FRMD5: variants seen among roughly 807,000 people sequenced by gnomAD.
The protein encoded by FRMD5 is FERM domain-containing protein 5.
Under a neutral mutation model 69.0 loss-of-function variants are expected in FRMD5, and 20 were observed. The ratio of observed to expected loss-of-function variants is 0.29; its 90% CI spans 0.20 to 0.42. The LOEUF is 0.42. Ranked by LOEUF, FRMD5 falls within the 10% of genes least tolerant of loss-of-function variation. FRMD5 has a pLI of 1.00. For synonymous variants in FRMD5, 271 were observed against 260.1 expected, an observed-to-expected ratio of 1.04 and a Z score of -0.40; for missense variants, 595 against 708.6, an observed-to-expected ratio of 0.84 and a Z score of 1.82.
Position 43,873,425 on chromosome 15 carries a change from A to C in FRMD5, c.*460T>G. The C allele has an allele frequency of 7.0e-7, 1 of 1,434,392 alleles. No homozygotes were observed. Among genetic ancestry groups the C allele is most frequent in the Non-Finnish European group, 9.1e-7 (1 of 1,104,312 alleles). The allele number at this position is 1,434,392 out of a possible 1,614,324, so 88.9% of individuals were successfully genotyped here. ...GAGGCTGCAGTGATGAGTCTACTGGAACCCAGTGGCACCAGCAGGAAAAGC... is the reference window on the plus strand; with the variant it reads ...GAGGCTGCAGTGATGAGTCTACTGGCACCCAGTGGCACCAGCAGGAAAAGC... On this transcript the variant is annotated 3_prime_UTR_variant, in exon 14 of 14. Coordinates refer to ENST00000417257, the MANE Select transcript of FRMD5 (RefSeq NM_032892.5).
chr15:43,971,611 G>A (rs1252961146), intron 1 of FRMD5, among the ~76,000 whole-genome samples: 1 of 149,202 alleles, frequency 6.7e-6, no homozygotes, highest in Non-Finnish European at 1.5e-5. Flanking sequence ...TTGAACCCAG[G>A]AGGTGGAGGT....
At chr15:44,194,548 C>T (rs1566997195) in intron 1 of FRMD5, 1 of 304,104 alleles carries the variant, frequency 3.3e-6, no homozygotes, top group Non-Finnish European at 6.2e-6. Context: ...GCCATACGTC[C>T]TTGCCCGGGC....
chr15:43,873,625 G>GGAAA lies in FRMD5; in HGVS notation c.*256_*259dup. ...AAAACCAAAAATTATCCTGCAAATT[G>GGAAA]GAAAGATGAGAAACAGAGTCGCTGA... On this transcript the variant is annotated 3_prime_UTR_variant, in exon 14 of 14. Coordinates refer to ENST00000417257, the MANE Select transcript of FRMD5 (RefSeq NM_032892.5). 2 of 1,468,794 alleles carry GGAAA rather than the reference G, an allele frequency of 1.4e-6. No homozygotes were observed. Among genetic ancestry groups the GGAAA allele is most frequent in the Non-Finnish European group, 1.8e-6 (2 of 1,120,534 alleles). 91.0% of individuals were successfully genotyped at this position (1,468,794 alleles called of 1,614,324 possible). A position where few individuals can be genotyped will look rare whatever the true frequency, so the allele number is the denominator to read the frequency against.
At chr15:43,894,604 T>C (rs1262725169) in intron 7 of FRMD5, among the ~76,000 whole-genome samples, 1 of 151,522 alleles carries the variant, frequency 6.6e-6, no homozygotes, top group Non-Finnish European at 1.5e-5. Flanking sequence ...AAATGAAGCC[T>C]TGGGCCTGCA....
intron 1 of FRMD5, among the ~76,000 whole-genome samples, chr15:43,993,523 C>T (rs1889783628): frequency 6.6e-6 from 1 of 152,116 alleles, no homozygotes; most frequent in Admixed American, 6.6e-5. Context: ...GAGAATGTTC[C>T]ATGTGTGCTA....
chr15:43,891,867 T>C, intron 8 of FRMD5, 114 bp downstream of exon 8: 1 of 814,598 alleles, frequency 1.2e-6, no homozygotes, highest in South Asian at 1.5e-5. Flanking sequence ...ACGCAAGGCT[T>C]TGGAGAGGGC....
At chr15:43,984,810 C>A (rs1038373415) in intron 1 of FRMD5, among the ~76,000 whole-genome samples, 4 of 152,010 alleles carry the variant, frequency 2.6e-5, no homozygotes, top group African/African-American at 9.7e-5. Context: ...ATGGTGAAAT[C>A]CTGTCTCTAC....
chr15:44,067,360 AAT>A (rs1893354567), intron 1 of FRMD5, among the ~76,000 whole-genome samples: 1 of 152,222 alleles, frequency 6.6e-6, no homozygotes, highest in Non-Finnish European at 1.5e-5. Context: ...CCAAATAAAA[AAT>A]AGTTAAAATG....
chr15:44,072,898 G>C (rs1274548349), intron 1 of FRMD5, among the ~76,000 whole-genome samples: 1 of 152,182 alleles, frequency 6.6e-6, no homozygotes, highest in Non-Finnish European at 1.5e-5. Flanking sequence ...GGGAAGCCAA[G>C]GTGGGAGAAT....
chr15:44,105,332 C>T (rs139664301), intron 1 of FRMD5, among the ~76,000 whole-genome samples: 112 of 152,218 alleles, frequency 7.4e-4, no homozygotes, highest in African/African-American at 2.6e-3. Flanking sequence ...CTGCCTCAGC[C>T]TCCCAAAGTG....
chr15:44,074,491 A>G (rs1893674342), intron 1 of FRMD5, among the ~76,000 whole-genome samples: 1 of 151,876 alleles, frequency 6.6e-6, no homozygotes, highest in Admixed American at 6.6e-5. Context: ...GAAATCACAG[A>G]GCTGAATTTT....
intron 1 of FRMD5, among the ~76,000 whole-genome samples, chr15:44,153,475 A>C (rs1297177232): frequency 6.6e-6 from 1 of 152,246 alleles, no homozygotes; most frequent in Non-Finnish European, 1.5e-5. Context: ...CAAAAAGACA[A>C]ATACTGTATG....
intron 1 of FRMD5, among the ~76,000 whole-genome samples, chr15:44,112,536 G>A (rs1236706011): frequency 6.7e-6 from 1 of 150,188 alleles, no homozygotes; most frequent in East Asian, 2.0e-4. Flanking sequence ...GCACCATCTC[G>A]GCTCACTGCA....
intron 1 of FRMD5, among the ~76,000 whole-genome samples, chr15:44,141,785 CA>C (rs1380494310): frequency 6.6e-6 from 1 of 152,164 alleles, no homozygotes; most frequent in Non-Finnish European, 1.5e-5. Context: ...CTTCTGGTGA[CA>C]CAACCTACCT....
At chr15:44,123,994 G>C (rs2076991089) in intron 1 of FRMD5, among the ~76,000 whole-genome samples, 1 of 151,738 alleles carries the variant, frequency 6.6e-6, no homozygotes, top group African/African-American at 2.4e-5. Flanking sequence ...TGGTTGTTTT[G>C]TTTTTTTGTT....
At chr15:44,183,885 G>A (rs1595567197) in intron 1 of FRMD5, among the ~76,000 whole-genome samples, 1 of 151,950 alleles carries the variant, frequency 6.6e-6, no homozygotes, top group African/African-American at 2.4e-5. Context: ...GGGAGGCTGA[G>A]GCAGGAGAAT....
At chr15:44,132,238 G>A (rs2077111746) in intron 1 of FRMD5, among the ~76,000 whole-genome samples, 1 of 152,188 alleles carries the variant, frequency 6.6e-6, no homozygotes, top group Admixed American at 6.5e-5. Flanking sequence ...AAACACAGAT[G>A]AAGCATCACT....
chr15:44,012,505 T>C (rs1289209559), intron 1 of FRMD5, among the ~76,000 whole-genome samples: 4 of 152,220 alleles, frequency 2.6e-5, no homozygotes, highest in Admixed American at 2.0e-4. Context: ...GTTCTATTCA[T>C]AGATGAAAGA....
At chr15:43,996,297 T>C (rs1161834870) in intron 1 of FRMD5, among the ~76,000 whole-genome samples, 1 of 152,118 alleles carries the variant, frequency 6.6e-6, no homozygotes, top group Non-Finnish European at 1.5e-5. Context: ...CCATGGGGCC[T>C]ACCCAGTGAT....
Sources: gnomAD v4.1 joint callset for allele counts (sites outside exome capture counted in the v4.1 genomes callset) on GRCh38, gnomAD v4.1.1 for gene constraint, MANE v1.5 for transcripts, NCBI Gene and HGNC (gene_info 2026-07-23, HGNC 2026-07-21) for gene names.